Variants in ZNF551 observed in about 807,000 individuals in gnomAD.
ZNF551 encodes the protein zinc finger protein 551.
A neutral mutation model predicts 7.9 loss-of-function variants in ZNF551; 5 were observed. The ratio of observed to expected loss-of-function variants is 0.63; its 90% CI spans 0.33 to 1.33. The LOEUF (loss-of-function observed/expected upper bound fraction) is 1.33. ZNF551 is among the 40% of genes most tolerant of loss of function. ZNF551 has a pLI of 0.05. For missense variants in ZNF551, 788 were observed against 825.2 expected (o/e 0.95, Z 0.55); for synonymous variants, 287 against 277.3 (o/e 1.03, Z -0.35).
At position 57,686,540 on chromosome 19, in the gene ZNF551, G is replaced by C. The variant is rs1166137958; in HGVS notation, c.265G>C (p.Val89Leu). ...TTCTGAGCAGAGTGTATCTATACAG[G>C]TCAGGACTTCTAAGGGCAATACACC... The part of the protein sequence containing the change: ...IASEQSVSIQ[V>L]RTSKGNTPTQ... Residue 89 changes from valine (V) to leucine (L), a missense_variant, in exon 3 of 3, where the codon GTC (valine) becomes CTC (leucine). Val to Leu is a conservative substitution (Grantham distance 32). Transcript: ENST00000282296. The C allele has an allele frequency of 6.2e-7, 1 of 1,614,066 alleles. No homozygotes were observed. The highest frequency in any genetic ancestry group is 8.5e-7 in the Non-Finnish European group (1 of 1,180,052).
chr19:57,683,352 T>C (rs955616965), intron 1 of ZNF551, among the ~76,000 whole-genome samples: 4 of 152,216 alleles, frequency 2.6e-5, no homozygotes, highest in Non-Finnish European at 5.9e-5. Flanking sequence ...CAGGGATGAC[T>C]GAAAGGTTTT....
chr19:57,686,452 G>A, intron 2 of ZNF551, 29 bp from the exon 3 acceptor site: 1 of 1,591,210 alleles, frequency 6.3e-7, no homozygotes, highest in East Asian at 2.3e-5. Flanking sequence ...AAGTCAGCAT[G>A]CATTTCATCA....
At chr19:57,684,652 G>A (rs1984495931) in intron 1 of ZNF551, among the ~76,000 whole-genome samples, 2 of 152,200 alleles carry the variant, frequency 1.3e-5, no homozygotes, top group African/African-American at 4.8e-5. Context: ...CAAATGAGAA[G>A]ATGGAGAGGA....
Position 57,688,188 on chromosome 19 carries a change from C to G in ZNF551, c.1913C>G (p.Thr638Ser). The G allele has an allele frequency of 1.2e-6, 2 of 1,614,236 alleles. No homozygotes were observed. Among genetic ancestry groups the G allele is most frequent in the Non-Finnish European group, 1.7e-6 (2 of 1,180,044 alleles). ...SDLIQHQRVHTGERPYECSEC... is the reference protein window; with the variant it reads ...SDLIQHQRVHSGERPYECSEC... ...CTTATTCAGCACCAAAGAGTTCACA[C>G]TGGAGAAAGGCCTTATGAATGCAGT... Residue 638 changes from threonine (T) to serine (S), a missense_variant, in exon 3 of 3, where the codon ACT (threonine) becomes AGT (serine). Transcript: ENST00000282296.
chr19:57,686,254 CCTT>C (rs1241199040), intron 2 of ZNF551, among the ~76,000 whole-genome samples: 3 of 152,306 alleles, frequency 2.0e-5, no homozygotes, highest in East Asian at 3.9e-4. Flanking sequence ...TGGAGACCCT[CCTT>C]CTCCTCCTGT....
At position 57,690,036 on chromosome 19, in the gene ZNF551, G is replaced by C. The variant is rs1349160109; in HGVS notation, c.*1748G>C. On this transcript the variant is annotated 3_prime_UTR_variant, in exon 3 of 3. Coordinates refer to ENST00000282296, the MANE Select transcript of ZNF551 (RefSeq NM_138347.5). The stretch of plus-strand genomic sequence containing the variant: ...CCTGAGGCAAGGTTGCCTCTCTCAG[G>C]GCATGAGGAGAGAGAGAGATGGTGA... 2.0e-5 allele frequency: 3 copies of C among 151,894 alleles called. No homozygotes were observed. Among genetic ancestry groups the C allele is most frequent in the African/African-American group, 7.3e-5 (3 of 41,358 alleles). The allele number at this position is 151,894 out of a possible 1,614,324, so 9.4% of individuals were successfully genotyped here. A position where few individuals can be genotyped will look rare whatever the true frequency, so the allele number is the denominator to read the frequency against.
rs117639138 is a variant in ZNF551 at position 57,689,839 on chromosome 19, T to G, written c.*1551T>G. The G allele has an allele frequency of 1.0e-2, 1,513 of 152,060 alleles. 10 individuals carry two copies. The highest frequency in any genetic ancestry group is 0.014 in the Non-Finnish European group (945 of 68,162). 9.4% of individuals were successfully genotyped at this position (152,060 alleles called of 1,614,324 possible). ...AAATAGTCTATAAAGGTTTTGTGGC[T>G]CCTTGTATCCTGTCTGGGCTGTTCA... On this transcript the variant is annotated 3_prime_UTR_variant, in exon 3 of 3. Coordinates refer to ENST00000282296, the MANE Select transcript of ZNF551 (RefSeq NM_138347.5).
chr19:57,682,703 G>A (rs907017654), intron 1 of ZNF551, among the ~76,000 whole-genome samples: 2 of 152,186 alleles, frequency 1.3e-5, no homozygotes, highest in Admixed American at 6.5e-5. Context: ...CACGCAGCTG[G>A]TAAAGTCAGC....
intron 1 of ZNF551, 94 bp downstream of exon 1, chr19:57,682,338 C>A: frequency 7.5e-7 from 1 of 1,327,062 alleles, no homozygotes; most frequent in Non-Finnish European, 1.0e-6. Context: ...GCAGCCCAGG[C>A]CCCAGTACCC....
Position 57,686,519 on chromosome 19 carries a change from G to C in ZNF551, c.244G>C (p.Glu82Gln). Reference protein sequence around the residue: ...HGMENEAIASEQSVSIQVRTS... With the variant: ...HGMENEAIASQQSVSIQVRTS... ...AATGGAGAATGAGGCGATAGCTTCTGAGCAGAGTGTATCTATACAGGTCAG... is the reference window on the plus strand; with the variant it reads ...AATGGAGAATGAGGCGATAGCTTCTCAGCAGAGTGTATCTATACAGGTCAG... Residue 82 changes from glutamate to glutamine, a missense_variant, in exon 3 of 3, where the codon GAG becomes CAG. Transcript: ENST00000282296. 6.2e-7 allele frequency: 1 copy of C among 1,613,840 alleles called. No homozygotes were observed. Among genetic ancestry groups the C allele is most frequent in the South Asian group, 1.1e-5 (1 of 91,064 alleles).
At position 57,688,662 on chromosome 19, in the gene ZNF551, T is replaced by TAAA. The variant is rs201687894; in HGVS notation, c.*375_*376insAAA. The stretch of plus-strand genomic sequence containing the variant: ...GGTCTTCATGTCTTTTCTCTGACTT[T>TAAA]AGAGTATACACCTGACCCAGTTGTG... On this transcript the variant is annotated 3_prime_UTR_variant, in exon 3 of 3. Coordinates refer to ENST00000282296, the MANE Select transcript of ZNF551 (RefSeq NM_138347.5). The TAAA allele has an allele frequency of 3.7e-3, 768 of 210,398 alleles. 5 individuals are homozygous for TAAA. The highest frequency in any genetic ancestry group is 0.016 in the African/African-American group (708 of 44,636). 13.0% of individuals were successfully genotyped at this position (210,398 alleles called of 1,614,324 possible).
At chr19:57,686,063 T>C (rs1449579576) in intron 2 of ZNF551, among the ~76,000 whole-genome samples, 1 of 152,244 alleles carries the variant, frequency 6.6e-6, no homozygotes, top group Admixed American at 6.5e-5. Flanking sequence ...TTCTTTTCAG[T>C]GTTGTTCAGT....
chr19:57,683,892 T>C (rs1213089482), intron 1 of ZNF551, among the ~76,000 whole-genome samples: 1 of 152,134 alleles, frequency 6.6e-6, no homozygotes, highest in Non-Finnish European at 1.5e-5. Context: ...ACCAGGGTTT[T>C]ATATTAACTC....
In ZNF551 at chr19:57,687,969, GAA is replaced by G; in HGVS notation, c.1696_1697del (p.Lys566ValfsTer3). ...AGGCCTTATGAATGTAGTGAATGTG[GAA>G]AGTCTTTTAGCCAAAGTGCTAGCCT... On this transcript the variant is annotated frameshift_variant, in exon 3 of 3. Coordinates refer to ENST00000282296, the MANE Select transcript of ZNF551 (RefSeq NM_138347.5). LOFTEE classifies it low-confidence loss of function (END_TRUNC). 2 of 1,614,012 alleles carry G rather than the reference GAA, an allele frequency of 1.2e-6. No individual in the cohort carries two copies.
rs1984659942 is a variant in ZNF551 at position 57,688,408 on chromosome 19, G to A, written c.*120G>A. On this transcript the variant is annotated 3_prime_UTR_variant, in exon 3 of 3. Coordinates refer to ENST00000282296, the MANE Select transcript of ZNF551 (RefSeq NM_138347.5). ...AGTGGGGTATTCTTCATAAGTTTCA[G>A]GTATGTGGGAAGCTCTGAGGAGGTT... The A allele has an allele frequency of 7.3e-7, 1 of 1,371,622 alleles. No individual in the cohort carries two copies. The highest frequency in any genetic ancestry group is 2.3e-5 in the East Asian group (1 of 42,874). The allele number at this position is 1,371,622 out of a possible 1,614,324, so 85.0% of individuals were successfully genotyped here.
In ZNF551 at chr19:57,686,953, T is replaced by G. The variant is rs780585200; in HGVS notation, c.678T>G (p.Gly226=). 7 of 1,613,942 alleles carry G rather than the reference T, an allele frequency of 4.3e-6. No individual in the cohort carries two copies. Among genetic ancestry groups the G allele is most frequent in the Non-Finnish European group, 5.9e-6 (7 of 1,179,996 alleles). Residue 226 remains glycine, a synonymous_variant, in exon 3 of 3, where the codon GGT becomes GGG. Coordinates refer to ENST00000282296, the MANE Select transcript of ZNF551 (RefSeq NM_138347.5). ...FFNAKSYYKW[G]EYRKASSHKH... ...ATGCAAAAAGTTATTACAAGTGGGG[T>G]GAATACAGAAAAGCTTCAAGCCACA...
chr19:57,687,379 C>A lies in ZNF551; in HGVS notation c.1104C>A (p.Cys368Ter). 1.2e-6 allele frequency: 2 copies of A among 1,612,198 alleles called. No homozygotes were observed. Among genetic ancestry groups the A allele is most frequent in the Non-Finnish European group, 1.7e-6 (2 of 1,179,342 alleles). The change falls in exon 3 of 3, where the codon TGC becomes TGA. Residue 368 changes from cysteine to a stop codon, truncating the protein, a stop_gained. Transcript: ENST00000282296. LOFTEE classifies it low-confidence loss of function (END_TRUNC). ...AAAGGCCTTATGAATGTGGCGAGTGCGGGAAATCCTTTAGACAAAGCTCTA... is the reference window on the plus strand; with the variant it reads ...AAAGGCCTTATGAATGTGGCGAGTGAGGGAAATCCTTTAGACAAAGCTCTA... ...TGERPYECGECGKSFRQSSSL... is the reference protein window; with the variant it reads ...TGERPYECGE
rs773750288 is a variant in ZNF551, at chr19:57,686,975, C to T, written c.700C>T (p.His234Tyr). Residue 234 changes from histidine to tyrosine, a missense_variant, in exon 3 of 3, where the codon CAC (histidine) becomes TAC (tyrosine). Transcript: ENST00000282296. ...GGGTGAATACAGAAAAGCTTCAAGCCACAAACACACACTTGTTCAGCATCA... is the reference window on the plus strand; with the variant it reads ...GGGTGAATACAGAAAAGCTTCAAGCTACAAACACACACTTGTTCAGCATCA... Reference protein sequence around the residue: ...KWGEYRKASSHKHTLVQHQSV... With the variant: ...KWGEYRKASSYKHTLVQHQSV... 1.1e-5 allele frequency: 17 copies of T among 1,614,012 alleles called. No individual in the cohort carries two copies. In the South Asian group the frequency reaches 1.8e-4, roughly 17 times the overall value.
intron 1 of ZNF551, among the ~76,000 whole-genome samples, chr19:57,683,266 G>T (rs1251300919): frequency 6.6e-6 from 1 of 152,218 alleles, no homozygotes; most frequent in Non-Finnish European, 1.5e-5. Context: ...GTGAAGATGC[G>T]AGAAGCAGTT....
Sources: allele counts gnomAD v4.1 joint callset (sites outside exome capture counted in the v4.1 genomes callset), GRCh38; gene constraint gnomAD v4.1.1; transcripts MANE v1.5; gene names NCBI Gene and HGNC (gene_info 2026-07-23, HGNC 2026-07-21).